The following LRWD1 variants were observed in gnomAD, a reference collection of about 807,000 sequenced individuals.
LRWD1 encodes the protein leucine rich repeats and WD repeat domain containing 1.
A neutral mutation model predicts 75.6 loss-of-function variants in LRWD1; 76 were observed. That is an observed-to-expected ratio of 1.01 (90% confidence interval 0.84 to 1.22). LRWD1 has a LOEUF of 1.22. Among genes scored for constraint, LRWD1 ranks in the 50% most tolerant of loss-of-function variants. The pLI, the probability that LRWD1 is intolerant of heterozygous loss-of-function variation, is 0.00. For missense variants in LRWD1, 917 were observed against 862.0 expected (o/e 1.06, Z -0.80); for synonymous variants, 487 against 377.0 (o/e 1.29, Z -3.38).
rs1563654233 is a variant in LRWD1, at chr7:102,467,172, GTGTGT to G, written c.433-166_433-162del. Among the ~76,000 whole-genome samples, 64 of 23,546 alleles carry G rather than the reference GTGTGT, an allele frequency of 2.7e-3. 5 individuals are homozygous for G. In the East Asian group the frequency reaches 0.034, roughly 13 times the overall value. 15.4% of individuals were successfully genotyped at this position (23,546 alleles called of 152,430 possible). On this transcript the variant is annotated intron_variant, in intron 3 of 14. Transcript: ENST00000292616. ...GGGTTGTTGCTGGGGTGTGTGTGGG[GTGTGT>G]GTGTGTGTGTGTGTGTGTGTGTGTG... is the stretch of plus-strand genomic sequence containing the variant.
At chr7:102,471,562 A>G (rs1798187071) in intron 11 of LRWD1, 1 of 154,184 alleles carries the variant, frequency 6.5e-6, no homozygotes, top group Non-Finnish European at 1.5e-5. Context: ...CCTGTGTCTA[A>G]GATGCTTCTT....
chr7:102,471,322 C>T (rs1373469517), intron 11 of LRWD1: 3 of 154,406 alleles, frequency 1.9e-5, no homozygotes, highest in South Asian at 2.0e-4. Context: ...CCACCTCAGC[C>T]TCCCAAAGTG....
chr7:102,467,171 G>GGT (rs1209487514), intron 3 of LRWD1, among the ~76,000 whole-genome samples, 168 bp from the exon 4 acceptor site: 2,883 of 98,950 alleles, frequency 0.029, 124 homozygotes, highest in African/African-American at 0.057. Flanking sequence ...GTGTGTGTGG[G>GGT]GTGTGTGTGT....
rs1050419304 is a variant in LRWD1, at chr7:102,465,077, C to T, written c.-4C>T. ...TGGGTCAGCGCGGGCTGCGCCTCCT[C>T]GCCATGGGCCCCCTCTCGGCGCGGC... On this transcript the variant is annotated 5_prime_UTR_variant, in exon 1 of 15. Coordinates refer to ENST00000292616, the MANE Select transcript of LRWD1 (RefSeq NM_152892.3). 7.4e-6 allele frequency: 11 copies of T among 1,484,792 alleles called. No individual in the cohort carries two copies. The highest frequency in any genetic ancestry group is 1.3e-5 in the South Asian group (1 of 76,856). 92.0% of individuals were successfully genotyped at this position (1,484,792 alleles called of 1,614,324 possible).
rs765172131 is a variant in LRWD1, at chr7:102,468,188, G to A, written c.804+1G>A. ...TGTGGCAGGCTCCGATGGCAGCCAG[G>A]TGAGCTGAGGTGGCAAGGAGCAGGT... is the stretch of plus-strand genomic sequence containing the variant. On this transcript the variant is annotated splice_donor_variant, in intron 6 of 14. Coordinates refer to ENST00000292616, the MANE Select transcript of LRWD1 (RefSeq NM_152892.3). LOFTEE classifies it high-confidence loss of function. 1.9e-6 allele frequency: 3 copies of A among 1,605,400 alleles called. No individual in the cohort carries two copies. The highest frequency in any genetic ancestry group is 2.5e-6 in the Non-Finnish European group (3 of 1,177,090).
chr7:102,469,872 CA>C lies in LRWD1; in HGVS notation c.1436del (p.Lys479ArgfsTer28). On this transcript the variant is annotated frameshift_variant, in exon 11 of 15. Transcript: ENST00000292616. LOFTEE classifies it high-confidence loss of function. Reference protein sequence around the residue: ...CCWDVRLDQPQKRRVCEVEFV... With the variant: ...CCWDVRLDQPXKRRVCEVEFV... The stretch of plus-strand genomic sequence containing the variant: ...CTGGGACGTGCGGCTGGACCAGCCC[CA>C]AAAGAGGAGGTGAGGCTGGGCAGGG... The C allele has an allele frequency of 1.3e-6, 2 of 1,568,404 alleles. No individual in the cohort carries two copies. Among genetic ancestry groups the C allele is most frequent in the Admixed American group, 1.8e-5 (1 of 54,936 alleles).
intron 1 of LRWD1, 78 bp downstream of exon 1, chr7:102,465,238 G>T (rs866213296): frequency 7.8e-7 from 1 of 1,287,490 alleles, no homozygotes; most frequent in Non-Finnish European, 1.0e-6. Context: ...CTCCCCAACG[G>T]CCCGCTTGTC....
intron 5 of LRWD1, 60 bp downstream of exon 5, chr7:102,467,883 A>G: frequency 6.5e-7 from 1 of 1,528,050 alleles, no homozygotes; most frequent in South Asian, 1.2e-5. Context: ...GAGAAGCTTC[A>G]GGAGACCAAG....
intron 1 of LRWD1, 74 bp from the exon 2 acceptor site, chr7:102,465,743 C>T (rs748145762): frequency 2.7e-6 from 3 of 1,102,620 alleles, no homozygotes; most frequent in South Asian, 1.3e-5. Flanking sequence ...AAAAAGCCTT[C>T]TGAGGTACCC....
In LRWD1 at chr7:102,472,730, G is replaced by C. The variant is rs143165955; in HGVS notation, c.1729G>C (p.Val577Leu). ...IVLCGDEEGN[V>L]WLYDVSNILK... Reference sequence around the variant, plus strand: ...GCTCTGTGGGGATGAGGAGGGCAACGTGTGGCTCTACGACGTCAGCAACAT... The same window carrying C: ...GCTCTGTGGGGATGAGGAGGGCAACCTGTGGCTCTACGACGTCAGCAACAT... Residue 577 changes from valine to leucine, a missense_variant, in exon 14 of 15, where the codon GTG becomes CTG. By Grantham distance (32) the Val-to-Leu change is conservative. Coordinates refer to ENST00000292616, the MANE Select transcript of LRWD1 (RefSeq NM_152892.3). 6.8e-6 allele frequency: 11 copies of C among 1,613,560 alleles called. No individual in the cohort carries two copies. The South Asian group carries it at 1.2e-4, about 18-fold the overall frequency.
In LRWD1 at chr7:102,468,599, G is replaced by A. The variant is rs1382624077; in HGVS notation, c.965G>A (p.Cys322Tyr). The A allele has an allele frequency of 1.9e-6, 3 of 1,578,304 alleles. No homozygotes were observed. The highest frequency in any genetic ancestry group is 2.6e-6 in the Non-Finnish European group (3 of 1,161,992). The change falls in exon 8 of 15, where the codon TGC (cysteine) becomes TAC (tyrosine). Residue 322 changes from cysteine to tyrosine, a missense_variant. Physicochemically the swap from Cys to Tyr is radical, Grantham distance 194 (BLOSUM62 -2). Transcript: ENST00000292616. ...GCCACGTGCGGCGGGGAGGCTGTGT[G>A]CGTAATTGATTGCCAGACGGGCATC... ...TVATCGGEAVCVIDCQTGIVL... is the reference protein window; with the variant it reads ...TVATCGGEAVYVIDCQTGIVL...
Position 102,469,831 on chromosome 7 carries a change from A to G in LRWD1, c.1391A>G (p.Glu464Gly). ...CPDARLLAGC[E>G]GGCCCWDVRL... is the part of the protein sequence containing the mutation. ...GACGCCCGCCTGCTGGCCGGCTGCG[A>G]GGGCGGCTGCTGCTGCTGGGACGTG... The change falls in exon 11 of 15, where the codon GAG becomes GGG. Residue 464 changes from glutamate (E) to glycine (G), a missense_variant. Transcript: ENST00000292616. 1 of 1,605,138 alleles carries G rather than the reference A, an allele frequency of 6.2e-7. No individual in the cohort carries two copies. Among genetic ancestry groups the G allele is most frequent in the Non-Finnish European group, 8.5e-7 (1 of 1,176,504 alleles).
At position 102,468,989 on chromosome 7, in the gene LRWD1, C is replaced by T. The variant is rs774305174; in HGVS notation, c.1155C>T (p.Cys385=). 5 of 1,612,732 alleles carry T rather than the reference C, an allele frequency of 3.1e-6. No homozygotes were observed. The highest frequency in any genetic ancestry group is 1.3e-5 in the African/African-American group (1 of 74,990). Reference sequence around the variant, plus strand: ...TGCACGTGCGTGCCGGCTTCTGCTGCGGGGTCATCCGAGCCCACAAGAAGG... The same window carrying T: ...TGCACGTGCGTGCCGGCTTCTGCTGTGGGGTCATCCGAGCCCACAAGAAGG... ...RLLHVRAGFC[C]GVIRAHKKAI... Residue 385 remains cysteine, a synonymous_variant, in exon 9 of 15, where the codon TGC becomes TGT. Coordinates refer to ENST00000292616, the MANE Select transcript of LRWD1 (RefSeq NM_152892.3).
chr7:102,468,489 G>A, intron 7 of LRWD1, 65 bp from the exon 8 acceptor site: 1 of 1,541,496 alleles, frequency 6.5e-7, no homozygotes, highest in South Asian at 1.2e-5. Context: ...GGAGGAGGAG[G>A]CTGCAGGGAG....
Position 102,469,793 on chromosome 7 carries a change from C to T in LRWD1, c.1353C>T (p.Val451=), listed in dbSNP as rs777636428. The T allele has an allele frequency of 9.3e-6, 15 of 1,609,168 alleles. No homozygotes were observed. Among genetic ancestry groups the T allele is most frequent in the Admixed American group, 5.0e-5 (3 of 59,656 alleles). The change falls in exon 11 of 15, where the codon GTC becomes GTT. Residue 451 remains valine, a synonymous_variant. Coordinates refer to ENST00000292616, the MANE Select transcript of LRWD1 (RefSeq NM_152892.3). ...TTSIPLRLCP[V]ASCPDARLLA... is the part of the protein sequence containing the mutation. ...CTATCCCCCTGCGCCTCTGCCCTGT[C>T]GCCTCCTGCCCGGACGCCCGCCTGC...
Position 102,465,802 on chromosome 7 carries a change from T to G in LRWD1, c.81-15T>G. Reference sequence around the variant, plus strand: ...AAGCCTGCCCGCCCCCTAAGCCTTCTGCCCCCAACTCCAGCCTGTCAGGAT... The same window carrying G: ...AAGCCTGCCCGCCCCCTAAGCCTTCGGCCCCCAACTCCAGCCTGTCAGGAT... On this transcript the variant is annotated splice_polypyrimidine_tract_variant and intron_variant, in intron 1 of 14. Coordinates refer to ENST00000292616, the MANE Select transcript of LRWD1 (RefSeq NM_152892.3). 6.2e-7 allele frequency: 1 copy of G among 1,607,742 alleles called. No homozygotes were observed. The highest frequency in any genetic ancestry group is 8.5e-7 in the Non-Finnish European group (1 of 1,175,298).
chr7:102,466,081 C>T, intron 2 of LRWD1, 30 bp downstream of exon 2: 1 of 1,613,214 alleles, frequency 6.2e-7, no homozygotes, highest in Non-Finnish European at 8.5e-7. Flanking sequence ...CAGCTTCATA[C>T]CTGGGGCCAG....
At position 102,468,100 on chromosome 7, in the gene LRWD1, A is replaced by T. The variant is rs775469977; in HGVS notation, c.717A>T (p.Pro239=). 6.2e-7 allele frequency: 1 copy of T among 1,609,922 alleles called. No homozygotes were observed. Among genetic ancestry groups the T allele is most frequent in the Admixed American group, 1.7e-5 (1 of 59,900 alleles). ...CCTTGAAACGGCCAGACGACGTCCC[A>T]CTCAGCCTCTCTCCCAGCAAGCGGG... ...LAALKRPDDV[P]LSLSPSKRAC... is the part of the protein sequence containing the mutation. Residue 239 remains proline (P), a synonymous_variant, in exon 6 of 15, where the codon CCA becomes CCT. Coordinates refer to ENST00000292616, the MANE Select transcript of LRWD1 (RefSeq NM_152892.3).
At chr7:102,467,172 GTGTGTGTGTGTGTGTGT>G (rs1798028784) in intron 3 of LRWD1, among the ~76,000 whole-genome samples, 150 bp from the exon 4 acceptor site, 2 of 23,536 alleles carry the variant, frequency 8.5e-5, no homozygotes. Flanking sequence ...TGTGTGTGGG[GTGTGTGTGTGTGTGTGT>G]GTGTGTGTGT....
Sources: allele counts gnomAD v4.1 joint callset (sites outside exome capture counted in the v4.1 genomes callset), GRCh38; gene constraint gnomAD v4.1.1; transcripts MANE v1.5; gene names NCBI Gene and HGNC (gene_info 2026-07-23, HGNC 2026-07-21).